Variants in HAPLN1 observed in about 807,000 individuals in gnomAD.
The protein encoded by HAPLN1 is hyaluronan and proteoglycan link protein 1, also known as Cartilage link protein.
Under a neutral mutation model 36.5 loss-of-function variants are expected in HAPLN1, and 13 were observed. That is an observed-to-expected ratio of 0.36 (90% CI 0.23 to 0.57). The LOEUF is 0.57. Among genes scored for constraint, HAPLN1 ranks in the 20% least tolerant of loss-of-function variants. The pLI, the probability that HAPLN1 is intolerant of heterozygous loss-of-function variation, is 0.83. For synonymous variants in HAPLN1, 202 were observed against 169.8 expected (o/e 1.19, Z -1.48); for missense variants, 407 against 439.7 (o/e 0.93, Z 0.66).
intron 2 of HAPLN1, among the ~76,000 whole-genome samples, chr5:83,654,145 G>A (rs1750150949): frequency 6.6e-6 from 1 of 152,168 alleles, no homozygotes; most frequent in Non-Finnish European, 1.5e-5. Flanking sequence ...AATAGACACA[G>A]CATCTCTATT....
chr5:83,674,011 C>T (rs1376863025), intron 1 of HAPLN1: 10 of 152,862 alleles, frequency 6.5e-5, no homozygotes, highest in Admixed American at 5.9e-4. Context: ...AACTTGACAT[C>T]GTCATTCATT....
Position 83,698,426 on chromosome 5 carries a change from C to T in HAPLN1, c.-27+22363G>A, listed in dbSNP as rs73133886. 5.5e-3 allele frequency among the ~76,000 whole-genome samples: 831 copies of T among 152,240 alleles called. 8 individuals carry two copies. Among genetic ancestry groups the T allele is most frequent in the African/African-American group, 0.019 (789 of 41,566 alleles). ...AACTCTTTGCATATTAAAGATACTG[C>T]TTCTTTTTCTGTGACATATGTTAAA... On this transcript the variant is annotated intron_variant, in intron 1 of 4. Coordinates refer to ENST00000274341, the MANE Select transcript of HAPLN1 (RefSeq NM_001884.4).
intron 1 of HAPLN1, among the ~76,000 whole-genome samples, chr5:83,678,440 T>C (rs1750914413): frequency 6.6e-6 from 1 of 152,206 alleles, no homozygotes; most frequent in African/African-American, 2.4e-5. Context: ...TGGTTAACAA[T>C]TTAAACAATA....
At chr5:83,642,282 A>G (rs1458742748) in intron 4 of HAPLN1, among the ~76,000 whole-genome samples, 1 of 152,226 alleles carries the variant, frequency 6.6e-6, no homozygotes, top group Non-Finnish European at 1.5e-5. Flanking sequence ...TATCAATTAG[A>G]CATTATTCTC....
In HAPLN1 at chr5:83,640,185, A is replaced by C. The variant is rs1404083870; in HGVS notation, c.*1311T>G. The C allele has an allele frequency of 1.3e-5, 2 of 152,282 alleles. No individual in the cohort carries two copies. Among genetic ancestry groups the C allele is most frequent in the African/African-American group, 2.4e-5 (1 of 41,578 alleles). 9.4% of individuals were successfully genotyped at this position (152,282 alleles called of 1,614,324 possible). The stretch of plus-strand genomic sequence containing the variant: ...TCCCTGTGGGGTCTCAGCAGTCATA[A>C]AAATATAGGAAAACAGAGCTTTATT... On this transcript the variant is annotated 3_prime_UTR_variant, in exon 5 of 5. Transcript: ENST00000274341.
chr5:83,660,044 C>T (rs1199671492), intron 2 of HAPLN1, among the ~76,000 whole-genome samples: 1 of 152,064 alleles, frequency 6.6e-6, no homozygotes, highest in Non-Finnish European at 1.5e-5. Flanking sequence ...GTGTAGTCTT[C>T]ATGCTCTGCT....
At chr5:83,676,733 G>A (rs1021826912) in intron 1 of HAPLN1, among the ~76,000 whole-genome samples, 5 of 152,106 alleles carry the variant, frequency 3.3e-5, no homozygotes, top group South Asian at 2.1e-4. Context: ...TTAGACAATC[G>A]GGGAGACTTT....
chr5:83,719,047 A>G lies in HAPLN1; in HGVS notation c.-27+1742T>C, dbSNP rs141832753. ...CTTTCTGTGTACTCTGAATGTATTT[A>G]TCCTGGATGTGTTACTTGCTCCCAA... On this transcript the variant is annotated intron_variant, in intron 1 of 4. Coordinates refer to ENST00000274341, the MANE Select transcript of HAPLN1 (RefSeq NM_001884.4). Among the ~76,000 whole-genome samples, 924 of 152,280 alleles carry G rather than the reference A, an allele frequency of 6.1e-3. 10 individuals are homozygous for G. Among genetic ancestry groups the G allele is most frequent in the African/African-American group, 0.021 (889 of 41,566 alleles).
At chr5:83,697,347 A>G (rs1300388590) in intron 1 of HAPLN1, among the ~76,000 whole-genome samples, 8 of 152,122 alleles carry the variant, frequency 5.3e-5, no homozygotes, top group Non-Finnish European at 8.8e-5. Flanking sequence ...TTCAATGTTC[A>G]TTCTGTAGCA....
At chr5:83,656,513 G>A (rs1014542370) in intron 2 of HAPLN1, among the ~76,000 whole-genome samples, 2 of 151,428 alleles carry the variant, frequency 1.3e-5, no homozygotes, top group African/African-American at 4.9e-5. Flanking sequence ...TTTCCTTTCA[G>A]TGTGAAAAGG....
chr5:83,678,158 A>T lies in HAPLN1; in HGVS notation c.-26-4609T>A, dbSNP rs572553082. Reference sequence around the variant, plus strand: ...AGACTTCCCAATTCTTGGAAATAACACCATGCTTATGTTCATTTTTCCTCT... The same window carrying T: ...AGACTTCCCAATTCTTGGAAATAACTCCATGCTTATGTTCATTTTTCCTCT... On this transcript the variant is annotated intron_variant, in intron 1 of 4. Transcript: ENST00000274341. 4.0e-5 allele frequency among the ~76,000 whole-genome samples: 6 copies of T among 151,590 alleles called. No individual in the cohort carries two copies. In the East Asian group the frequency reaches 1.2e-3, roughly 29 times the overall value.
intron 2 of HAPLN1, among the ~76,000 whole-genome samples, chr5:83,655,854 C>A (rs1475291159): frequency 2.0e-5 from 3 of 151,932 alleles, no homozygotes; most frequent in African/African-American, 7.3e-5. Flanking sequence ...AGGTTGTCGT[C>A]ACAGAGACCA....
At chr5:83,690,252 T>C (rs1167920494) in intron 1 of HAPLN1, among the ~76,000 whole-genome samples, 1 of 152,106 alleles carries the variant, frequency 6.6e-6, no homozygotes, top group African/African-American at 2.4e-5. Flanking sequence ...AGTTAATTTC[T>C]GATACCTTTT....
chr5:83,712,743 G>T (rs1751821360), intron 1 of HAPLN1, among the ~76,000 whole-genome samples: 1 of 151,894 alleles, frequency 6.6e-6, no homozygotes, highest in South Asian at 2.1e-4. Flanking sequence ...AGTTAAAATT[G>T]AACTTTAGAA....
In HAPLN1 at chr5:83,716,647, A is replaced by G. The variant is rs148877647; in HGVS notation, c.-27+4142T>C. On this transcript the variant is annotated intron_variant, in intron 1 of 4. Coordinates refer to ENST00000274341, the MANE Select transcript of HAPLN1 (RefSeq NM_001884.4). ...CTATAAGCATCAGACCATTTCAGAG[A>G]GCTTGGCTGGTTTTCTCTTGTAAAG... Among the ~76,000 whole-genome samples, 932 of 152,298 alleles carry G rather than the reference A, an allele frequency of 6.1e-3. 10 individuals carry two copies. The highest frequency in any genetic ancestry group is 0.022 in the African/African-American group (897 of 41,560).
At chr5:83,655,108 T>C (rs1043216635) in intron 2 of HAPLN1, among the ~76,000 whole-genome samples, 3 of 152,230 alleles carry the variant, frequency 2.0e-5, no homozygotes, top group Non-Finnish European at 4.4e-5. Flanking sequence ...TTTTGAATCA[T>C]GTGGAGTAAA....
intron 1 of HAPLN1, among the ~76,000 whole-genome samples, chr5:83,709,268 T>C (rs745593325): frequency 2.6e-4 from 40 of 152,208 alleles, no homozygotes; most frequent in Non-Finnish European, 4.0e-4. Flanking sequence ...ATTTTCATAT[T>C]GGGCAAATGT....
At chr5:83,663,784 C>T (rs1231737717) in intron 2 of HAPLN1, among the ~76,000 whole-genome samples, 1 of 150,926 alleles carries the variant, frequency 6.6e-6, no homozygotes, top group Non-Finnish European at 1.5e-5. Flanking sequence ...GTAATTGCTG[C>T]CATTTCTTCC....
intron 1 of HAPLN1, among the ~76,000 whole-genome samples, chr5:83,675,498 T>C (rs1054672565): frequency 4.6e-5 from 7 of 152,178 alleles, no homozygotes; most frequent in Admixed American, 2.6e-4. Context: ...CTGTATATGA[T>C]ACACACACTA....
Sources: allele counts gnomAD v4.1 joint callset (sites outside exome capture counted in the v4.1 genomes callset), GRCh38; gene constraint gnomAD v4.1.1; transcripts MANE v1.5; gene names NCBI Gene and HGNC (gene_info 2026-07-23, HGNC 2026-07-21).